The following EDA variants were observed in gnomAD, a reference collection of about 807,000 sequenced individuals.
EDA encodes ectodysplasin-A.
In EDA, 2 loss-of-function variants were observed where a neutral mutation model predicts 23.6. The observed-to-expected ratio is 0.08, with a 90% CI of 0.03 to 0.27. The LOEUF (loss-of-function observed/expected upper bound fraction) is 0.27, where lower values mean the gene tolerates loss of function less well. Ranked by LOEUF, EDA falls within the 10% of genes least tolerant of loss-of-function variation. The probability of loss-of-function intolerance (pLI) is 1.00; values close to 1 mark genes in which losing one functional copy is unlikely to be tolerated. For missense variants in EDA, 229 were observed against 324.2 expected (o/e 0.71, Z 2.26); for synonymous variants, 131 against 132.0 (o/e 0.99, Z 0.05).
chrX:69,796,256 A>G (rs2015540515), intron 1 of EDA, among the ~76,000 whole-genome samples: 1 of 111,637 alleles, frequency 9.0e-6, no homozygotes, highest in Non-Finnish European at 1.9e-5. Context: ...CATCTGAGTA[A>G]GTCATCTGGA....
rs750329989 is a variant in EDA, at chrX:69,780,625, G to A, written c.396+163921G>A. On this transcript the variant is annotated intron_variant, in intron 1 of 7. Coordinates refer to ENST00000374552, the MANE Select transcript of EDA (RefSeq NM_001399.5). ...GGGAGGTACCTGGTGAGAAGTGATT[G>A]GATCATGGGGACAGATTTTTGCCTT... Among the ~76,000 whole-genome samples the A allele has an allele frequency of 7.6e-4, 85 of 111,134 alleles. 1 individual carries two copies. Among genetic ancestry groups the A allele is most frequent in the African/African-American group, 2.7e-3 (83 of 30,603 alleles).
intron 1 of EDA, among the ~76,000 whole-genome samples, chrX:69,932,641 T>C (rs73226445): frequency 0.02 from 2,279 of 111,983 alleles, 32 homozygotes; most frequent in Middle Eastern, 0.046. Flanking sequence ...TGATTATTTT[T>C]ATATCTTATG....
At chrX:69,829,947 T>G (rs1311704296) in intron 1 of EDA, among the ~76,000 whole-genome samples, 1 of 112,063 alleles carries the variant, frequency 8.9e-6, no homozygotes, top group Admixed American at 9.5e-5. Context: ...AATGACCCTG[T>G]GTTATAGTTT....
chrX:69,976,112 T>C (rs1416018490), intron 2 of EDA, among the ~76,000 whole-genome samples: 2 of 111,869 alleles, frequency 1.8e-5, no homozygotes, highest in Non-Finnish European at 3.8e-5. Context: ...TTTTAATAAA[T>C]ACAAAAGTAA....
chrX:69,673,636 A>G (rs1409365628), intron 1 of EDA, among the ~76,000 whole-genome samples: 1 of 112,026 alleles, frequency 8.9e-6, no homozygotes, highest in Non-Finnish European at 1.9e-5. Context: ...AGGTGAATAT[A>G]TTCTATAGTC....
intron 1 of EDA, among the ~76,000 whole-genome samples, chrX:69,837,563 G>T (rs1602468539): frequency 1.8e-5 from 2 of 112,154 alleles, no homozygotes; most frequent in Admixed American, 1.9e-4. Flanking sequence ...TATTCTTCAA[G>T]ACACATATGA....
chrX:69,702,060 A>G (rs1036654795), intron 1 of EDA, among the ~76,000 whole-genome samples: 1 of 111,627 alleles, frequency 9.0e-6, no homozygotes, highest in Non-Finnish European at 1.9e-5. Context: ...AAACTCTAAT[A>G]TAAGAGGTAG....
intron 1 of EDA, among the ~76,000 whole-genome samples, chrX:69,718,256 TTTTCTTTCTTTC>T (rs756159452): frequency 1.8e-5 from 2 of 110,978 alleles, no homozygotes; most frequent in Admixed American, 9.6e-5. Context: ...ACAAAGATAG[TTTTCTTTCTTTC>T]TTTCTTTCTT....
At chrX:69,948,444 G>A (rs925637881) in intron 1 of EDA, among the ~76,000 whole-genome samples, 1 of 111,498 alleles carries the variant, frequency 9.0e-6, no homozygotes, top group Non-Finnish European at 1.9e-5. Context: ...GCAATCCCTG[G>A]CACTCACATC....
At chrX:69,633,032 G>A (rs1391163987) in intron 1 of EDA, among the ~76,000 whole-genome samples, 1 of 111,411 alleles carries the variant, frequency 9.0e-6, no homozygotes, top group Non-Finnish European at 1.9e-5. Context: ...CTTCTGAAAA[G>A]AGTGGAATAA....
At chrX:69,947,038 C>T (rs1464090884) in intron 1 of EDA, among the ~76,000 whole-genome samples, 1 of 112,515 alleles carries the variant, frequency 8.9e-6, no homozygotes. Flanking sequence ...AATTTATAAG[C>T]TACTCACAAA....
chrX:69,987,591 A>G (rs112953074), intron 2 of EDA, among the ~76,000 whole-genome samples: 4,914 of 100,952 alleles, frequency 0.049, 272 homozygotes, highest in African/African-American at 0.16. Context: ...ACAAAAAAAC[A>G]CTCTAAGAAA....
chrX:69,809,165 A>G (rs1346783560), intron 1 of EDA, among the ~76,000 whole-genome samples: 4 of 111,715 alleles, frequency 3.6e-5, no homozygotes, highest in Non-Finnish European at 5.6e-5. Flanking sequence ...CAGAGCATCA[A>G]TGCTCACTGT....
At chrX:69,834,358 T>C (rs1391475256) in intron 1 of EDA, among the ~76,000 whole-genome samples, 5 of 111,078 alleles carry the variant, frequency 4.5e-5, no homozygotes. Context: ...TTTAGGTCTC[T>C]CAGTACTTGC....
chrX:69,632,564 T>G (rs1392494215), intron 1 of EDA, among the ~76,000 whole-genome samples: 2 of 112,439 alleles, frequency 1.8e-5, no homozygotes, highest in Non-Finnish European at 3.8e-5. Flanking sequence ...CTTGATCTTC[T>G]GAACTCAGCA....
intron 1 of EDA, among the ~76,000 whole-genome samples, chrX:69,881,264 G>A (rs781060502): frequency 1.4e-4 from 15 of 109,179 alleles, no homozygotes; most frequent in Non-Finnish European, 2.7e-4. Context: ...CCTTCCTAAT[G>A]CACTGTTCTC....
chrX:69,937,517 T>C (rs1335393592), intron 1 of EDA: 2 of 919,035 alleles, frequency 2.2e-6, no homozygotes, highest in African/African-American at 3.9e-5. Flanking sequence ...TGGTCAGCAT[T>C]TTGATTAAAT....
intron 1 of EDA, among the ~76,000 whole-genome samples, chrX:69,951,119 G>A (rs755704229): frequency 0.014 from 1,354 of 100,253 alleles, 6 homozygotes; most frequent in Middle Eastern, 0.068. Flanking sequence ...GAAAAAAAAA[G>A]ATATGAAAGT....
chrX:69,922,636 G>C (rs1251887488), intron 1 of EDA, among the ~76,000 whole-genome samples: 4 of 111,983 alleles, frequency 3.6e-5, no homozygotes, highest in African/African-American at 1.3e-4. Flanking sequence ...TGTTAGAATT[G>C]AGGGAACAAT....
Sources: gnomAD v4.1 joint callset for allele counts (sites outside exome capture counted in the v4.1 genomes callset) on GRCh38, gnomAD v4.1.1 for gene constraint, MANE v1.5 for transcripts, NCBI Gene and HGNC (gene_info 2026-07-23, HGNC 2026-07-21) for gene names.